The following FAM20B variants were observed in gnomAD, a reference collection of about 807,000 sequenced individuals.
FAM20B encodes the protein FAM20B glycosaminoglycan xylosylkinase.
FAM20B carries 23 observed loss-of-function variants against 43.8 expected under a neutral mutation model. The observed-to-expected ratio is 0.53, with a 90% CI of 0.38 to 0.74. The LOEUF is 0.74. Among genes scored for constraint, FAM20B ranks in the 30% least tolerant of loss-of-function variants. FAM20B has a pLI of 0.00. For synonymous variants in FAM20B, 178 were observed against 192.4 expected (o/e 0.93, Z 0.62); for missense variants, 440 against 510.5 (o/e 0.86, Z 1.33).
At chr1:179,026,486 G>T (rs1458734406) in intron 1 of FAM20B, among the ~76,000 whole-genome samples, 1 of 152,144 alleles carries the variant, frequency 6.6e-6, no homozygotes, top group Admixed American at 6.5e-5. Flanking sequence ...GTCCCCAGAG[G>T]CGATTGGCCC....
At chr1:179,036,136 A>C (rs1163966287) in intron 1 of FAM20B, among the ~76,000 whole-genome samples, 4 of 152,082 alleles carry the variant, frequency 2.6e-5, no homozygotes, top group African/African-American at 9.7e-5. Flanking sequence ...TCTCAAAATA[A>C]AAAAAGAAAG....
rs1652089904 is a variant in FAM20B at position 179,075,420 on chromosome 1, A to T, written c.*3276A>T. On this transcript the variant is annotated 3_prime_UTR_variant, in exon 8 of 8. Coordinates refer to ENST00000263733, the MANE Select transcript of FAM20B (RefSeq NM_014864.4). ...CTGCCCTCCTCCAACTTGTTAAAAC[A>T]TGTTTATTCTAAAGTTCGAATGGAT... 1 of 152,420 alleles carries T rather than the reference A, an allele frequency of 6.6e-6. No homozygotes were observed. The highest frequency in any genetic ancestry group is 6.6e-5 in the Admixed American group (1 of 15,264). The allele number at this position is 152,420 out of a possible 1,614,324, so 9.4% of individuals were successfully genotyped here.
chr1:179,032,764 A>G (rs1650066016), intron 1 of FAM20B, among the ~76,000 whole-genome samples: 1 of 152,216 alleles, frequency 6.6e-6, no homozygotes, highest in South Asian at 2.1e-4. Flanking sequence ...CCCTCATGTG[A>G]AGATGAAAGG....
Position 179,072,120 on chromosome 1 carries a change from C to T in FAM20B, c.1206C>T (p.Asp402=). The part of the protein sequence containing the change: ...QFGMDTVLVE[D]RMPLSHL ...GGATGGACACAGTACTGGTGGAAGA[C>T]AGGATGCCTCTCTCACACTTGTAAT... The change falls in exon 8 of 8, where the codon GAC becomes GAT. Residue 402 remains aspartate (D), a synonymous_variant. Coordinates refer to ENST00000263733, the MANE Select transcript of FAM20B (RefSeq NM_014864.4). 6.2e-7 allele frequency: 1 copy of T among 1,613,072 alleles called. No homozygotes were observed. The highest frequency in any genetic ancestry group is 8.5e-7 in the Non-Finnish European group (1 of 1,179,332).
chr1:179,026,049 G>T lies in FAM20B; in HGVS notation c.-183G>T. 6.9e-6 allele frequency: 1 copy of T among 144,026 alleles called. No homozygotes were observed. The highest frequency in any genetic ancestry group is 2.1e-4 in the East Asian group (1 of 4,770). 8.9% of individuals were successfully genotyped at this position (144,026 alleles called of 1,614,324 possible). ...AGGCGGCGGGGGCGGCCGGGGCCGCGCCGCACCGCACCGCGCGGGCGGCCA... is the reference window on the plus strand; with the variant it reads ...AGGCGGCGGGGGCGGCCGGGGCCGCTCCGCACCGCACCGCGCGGGCGGCCA... On this transcript the variant is annotated 5_prime_UTR_variant, in exon 1 of 8. Coordinates refer to ENST00000263733, the MANE Select transcript of FAM20B (RefSeq NM_014864.4).
At chr1:179,026,711 G>A (rs1361595904) in intron 1 of FAM20B, among the ~76,000 whole-genome samples, 1 of 152,236 alleles carries the variant, frequency 6.6e-6, no homozygotes, top group African/African-American at 2.4e-5. Flanking sequence ...TGCTGTGTTA[G>A]CCCTCAGTGG....
chr1:179,027,846 G>A (rs1649852901), intron 1 of FAM20B, among the ~76,000 whole-genome samples: 3 of 152,052 alleles, frequency 2.0e-5, no homozygotes, highest in Admixed American at 2.0e-4. Flanking sequence ...TTTCTTTTTG[G>A]TTCTTAAGAT....
chr1:179,055,588 C>T (rs1024259141), intron 4 of FAM20B, among the ~76,000 whole-genome samples: 2 of 152,186 alleles, frequency 1.3e-5, no homozygotes, highest in East Asian at 1.9e-4. Flanking sequence ...TTCTAATCAC[C>T]TTTGGTTGTT....
At chr1:179,039,740 TTA>T (rs1491287016) in intron 1 of FAM20B, among the ~76,000 whole-genome samples, 1,674 of 120,302 alleles carry the variant, frequency 0.014, 29 homozygotes, top group African/African-American at 0.051. Flanking sequence ...TATTTATTTA[TTA>T]TTTTTTTTTA....
chr1:179,050,128 A>G (rs1036467511), intron 2 of FAM20B, 151 bp from the exon 3 acceptor site: 1 of 560,568 alleles, frequency 1.8e-6, no homozygotes, highest in Non-Finnish European at 3.2e-6. Flanking sequence ...TCTACCGGCA[A>G]TTCATGCTAA....
chr1:179,060,567 T>A (rs900301183), intron 4 of FAM20B, among the ~76,000 whole-genome samples: 5 of 152,164 alleles, frequency 3.3e-5, no homozygotes, highest in African/African-American at 1.2e-4. Context: ...ACGTTCCTTA[T>A]GAGAATCTAA....
At chr1:179,034,113 A>G (rs77133801) in intron 1 of FAM20B, among the ~76,000 whole-genome samples, 1,845 of 152,296 alleles carry the variant, frequency 0.012, 36 homozygotes, top group African/African-American at 0.042. Context: ...AATGTCCTTG[A>G]AAGTGTCATC....
intron 4 of FAM20B, 118 bp from the exon 5 acceptor site, chr1:179,063,809 C>G (rs542610946): frequency 4.5e-6 from 3 of 667,060 alleles, no homozygotes; most frequent in African/African-American, 1.8e-5. Flanking sequence ...ATAGTAAACT[C>G]AGGGTCTTTG....
chr1:179,069,978 A>G (rs1456932484), intron 7 of FAM20B, among the ~76,000 whole-genome samples: 6 of 152,292 alleles, frequency 3.9e-5, no homozygotes, highest in East Asian at 3.9e-4. Context: ...AAGATATGCT[A>G]TAGTTGGTGT....
At chr1:179,051,285 A>G (rs1232831885) in intron 3 of FAM20B, among the ~76,000 whole-genome samples, 1 of 152,130 alleles carries the variant, frequency 6.6e-6, no homozygotes, top group Admixed American at 6.5e-5. Flanking sequence ...TCATAAGGCC[A>G]TATTGGCTGA....
rs1652049288 is a variant in FAM20B, at chr1:179,074,270, T to C, written c.*2126T>C. ...GAATTCGTGTTAACCAAAGGAGGCA[T>C]TGATTTCAGTTTTAAGGCTACTCAG... On this transcript the variant is annotated 3_prime_UTR_variant, in exon 8 of 8. Transcript: ENST00000263733. 1 of 152,612 alleles carries C rather than the reference T, an allele frequency of 6.6e-6. No homozygotes were observed. The highest frequency in any genetic ancestry group is 2.1e-4 in the South Asian group (1 of 4,822). The allele number at this position is 152,612 out of a possible 1,614,324, so 9.5% of individuals were successfully genotyped here.
Position 179,064,503 on chromosome 1 carries a change from C to T in FAM20B, c.938+7C>T, listed in dbSNP as rs1203788211. The T allele has an allele frequency of 1.2e-6, 2 of 1,606,208 alleles. No individual in the cohort carries two copies. Among genetic ancestry groups the T allele is most frequent in the African/African-American group, 2.7e-5 (2 of 74,874 alleles). On this transcript the variant is annotated splice_region_variant and intron_variant, in intron 6 of 7. Transcript: ENST00000263733. ...TTCTTGATAATGCCAAAAGGTGAGA[C>T]CAGCAGGACTGTCCTTGTCAGGGAG...
chr1:179,044,211 T>C lies in FAM20B; in HGVS notation c.364T>C (p.Phe122Leu), dbSNP rs1384624599. 2 of 1,607,568 alleles carry C rather than the reference T, an allele frequency of 1.2e-6. No homozygotes were observed. The highest frequency in any genetic ancestry group is 3.4e-5 in the Admixed American group (2 of 59,060). Reference protein sequence around the residue: ...LILEGGQKVVFKPKRYSRDHV... With the variant: ...LILEGGQKVVLKPKRYSRDHV... Reference sequence around the variant, plus strand: ...ACTTGAAGGAGGCCAGAAAGTTGTTTTCAAACCTAAGCGGTAAGTTTTGAT... The same window carrying C: ...ACTTGAAGGAGGCCAGAAAGTTGTTCTCAAACCTAAGCGGTAAGTTTTGAT... The change falls in exon 2 of 8, where the codon TTC becomes CTC. Residue 122 changes from phenylalanine (F) to leucine (L), a missense_variant. Physicochemically the swap from Phe to Leu is conservative, Grantham distance 22. Coordinates refer to ENST00000263733, the MANE Select transcript of FAM20B (RefSeq NM_014864.4).
intron 1 of FAM20B, among the ~76,000 whole-genome samples, 198 bp from the exon 2 acceptor site, chr1:179,043,517 G>A (rs1376064436): frequency 6.6e-6 from 1 of 152,132 alleles, no homozygotes; most frequent in African/African-American, 2.4e-5. Context: ...TGGTGTCTTC[G>A]CAGCAGCTGC....
Sources: gnomAD v4.1 joint callset for allele counts (sites outside exome capture counted in the v4.1 genomes callset) on GRCh38, gnomAD v4.1.1 for gene constraint, MANE v1.5 for transcripts, NCBI Gene and HGNC (gene_info 2026-07-23, HGNC 2026-07-21) for gene names.